The following ARB2A variants were observed in gnomAD, a reference collection of about 807,000 sequenced individuals.
ARB2A encodes the protein ARB2 cotranscriptional regulator A.
chr5:93,975,922 C>T, the ARB2A span, among the ~76,000 whole-genome samples: 1 of 151,980 alleles, frequency 6.6e-6, no homozygotes, highest in African/African-American at 2.4e-5. Flanking sequence ...TCCTCCCTAA[C>T]TCCCTATCCC....
chr5:94,050,628 C>A, the ARB2A span: 3 of 789,320 alleles, frequency 3.8e-6, no homozygotes, highest in East Asian at 5.5e-5. Context: ...TTTTTGGAAT[C>A]ACATTTTGTA....
At chr5:93,693,678 A>G in the ARB2A span, among the ~76,000 whole-genome samples, 1 of 152,212 alleles carries the variant, frequency 6.6e-6, no homozygotes, top group Non-Finnish European at 1.5e-5. Flanking sequence ...AACAGTAGAA[A>G]AAGAGGGAAT....
At chr5:94,062,572 C>T in the ARB2A span, among the ~76,000 whole-genome samples, 402 of 152,214 alleles carry the variant, frequency 2.6e-3, 3 homozygotes, top group Middle Eastern at 0.01. Flanking sequence ...CCTAGCCATG[C>T]AAGAGCTCCT....
chr5:93,640,632 G>GTATATA, the ARB2A span, among the ~76,000 whole-genome samples: 4,149 of 150,034 alleles, frequency 0.028, 189 homozygotes, highest in African/African-American at 0.097. Context: ...ACATATGTGT[G>GTATATA]TGTATATATA....
the ARB2A span, among the ~76,000 whole-genome samples, chr5:94,096,539 A>G: frequency 6.6e-6 from 1 of 152,302 alleles, no homozygotes; most frequent in East Asian, 1.9e-4. Flanking sequence ...TCATCCCTAT[A>G]AAGAGCCATT....
chr5:93,967,636 TC>T, the ARB2A span, among the ~76,000 whole-genome samples: 1,735 of 152,162 alleles, frequency 0.011, 13 homozygotes, highest in Middle Eastern at 0.017. Flanking sequence ...GAGTTTTACT[TC>T]CAGGAGGGCT....
the ARB2A span, among the ~76,000 whole-genome samples, chr5:93,943,550 C>T: frequency 6.6e-6 from 1 of 152,026 alleles, no homozygotes; most frequent in Non-Finnish European, 1.5e-5. Flanking sequence ...TAAGCATGTC[C>T]TATATTAATA....
the ARB2A span, among the ~76,000 whole-genome samples, chr5:94,001,323 G>A: frequency 6.6e-6 from 1 of 152,036 alleles, no homozygotes; most frequent in East Asian, 1.9e-4. Flanking sequence ...TTTCATGAGA[G>A]TTTTGTAGTT....
the ARB2A span, among the ~76,000 whole-genome samples, chr5:93,981,772 T>C: frequency 6.6e-6 from 1 of 152,166 alleles, no homozygotes; most frequent in South Asian, 2.1e-4. Context: ...TCAGTGTTTA[T>C]ATGTAAAAAT....
At chr5:93,826,489 AAACTCAACC>A in the ARB2A span, among the ~76,000 whole-genome samples, 3 of 152,208 alleles carry the variant, frequency 2.0e-5, no homozygotes, top group Admixed American at 2.0e-4. Flanking sequence ...CAGACATGTC[AAACTCAACC>A]AATCCAACAC....
At chr5:93,929,220 A>C in the ARB2A span, among the ~76,000 whole-genome samples, 1 of 152,172 alleles carries the variant, frequency 6.6e-6, no homozygotes, top group East Asian at 1.9e-4. Context: ...ACCTTTAAAT[A>C]AATGATTCAG....
the ARB2A span, among the ~76,000 whole-genome samples, chr5:93,690,063 C>A: frequency 6.6e-6 from 1 of 152,152 alleles, no homozygotes; most frequent in Non-Finnish European, 1.5e-5. Context: ...AACCTGCAGA[C>A]CAGGAGATTC....
the ARB2A span, among the ~76,000 whole-genome samples, chr5:93,685,973 A>G: frequency 2.1e-4 from 32 of 152,306 alleles, no homozygotes; most frequent in East Asian, 3.9e-4. Flanking sequence ...GCATATATAA[A>G]TCATCTCCCT....
At chr5:93,992,020 A>G in the ARB2A span, among the ~76,000 whole-genome samples, 1 of 152,098 alleles carries the variant, frequency 6.6e-6, no homozygotes, top group East Asian at 1.9e-4. Context: ...GCTGCCAGAG[A>G]AAAACAACAC....
At chr5:93,619,537 A>G in the ARB2A span, 1 of 152,228 alleles carries the variant, frequency 6.6e-6, no homozygotes, top group African/African-American at 2.4e-5. Context: ...CATTTTGGGT[A>G]CATTTTATCA....
the ARB2A span, among the ~76,000 whole-genome samples, chr5:93,933,495 C>T: frequency 6.6e-6 from 1 of 152,094 alleles, no homozygotes; most frequent in African/African-American, 2.4e-5. Context: ...AGTTCATGTC[C>T]TTTGCAGGGA....
At chr5:93,621,476 TC>T in the ARB2A span, among the ~76,000 whole-genome samples, 1 of 152,040 alleles carries the variant, frequency 6.6e-6, no homozygotes, top group Non-Finnish European at 1.5e-5. Context: ...TGTCCCGGGG[TC>T]GTCCGAGGCG....
At chr5:93,625,460 C>T in the ARB2A span, among the ~76,000 whole-genome samples, 1 of 152,132 alleles carries the variant, frequency 6.6e-6, no homozygotes, top group African/African-American at 2.4e-5. Flanking sequence ...TTGTACAGAG[C>T]AGAAAATACC....
chr5:93,670,271 C>A, the ARB2A span, among the ~76,000 whole-genome samples: 12 of 152,206 alleles, frequency 7.9e-5, no homozygotes, highest in Admixed American at 7.2e-4. Flanking sequence ...GATATGATCA[C>A]TATCCAACTC....
Sources: gnomAD v4.1 joint callset for allele counts (sites outside exome capture counted in the v4.1 genomes callset) on GRCh38, gnomAD v4.1.1 for gene constraint, MANE v1.5 for transcripts, NCBI Gene and HGNC (gene_info 2026-07-23, HGNC 2026-07-21) for gene names.